Variants in NUP85 observed in about 807,000 individuals in gnomAD.
NUP85 encodes the protein nucleoporin 85, also known as nuclear pore complex protein Nup85.
Under a neutral mutation model 92.8 loss-of-function variants are expected in NUP85, and 23 were observed. The observed-to-expected ratio is 0.25, with a 90% CI of 0.18 to 0.35. The LOEUF (loss-of-function observed/expected upper bound fraction) is 0.35, where lower values mean the gene tolerates loss of function less well. NUP85 is among the 10% of genes least tolerant of loss of function. The pLI is 1.00. For synonymous variants in NUP85, 314 were observed against 306.9 expected, an observed-to-expected ratio of 1.02 and a Z score of -0.24; for missense variants, 759 against 822.8, an observed-to-expected ratio of 0.92 and a Z score of 0.95.
Position 75,231,539 on chromosome 17 carries a change from A to G in NUP85, c.1179-34A>G, listed in dbSNP as rs775907528. 6 of 1,613,370 alleles carry G rather than the reference A, an allele frequency of 3.7e-6. No individual in the cohort carries two copies. The highest frequency in any genetic ancestry group is 2.2e-5 in the East Asian group (1 of 44,896). On this transcript the variant is annotated intron_variant, in intron 12 of 18. Coordinates refer to ENST00000245544, the MANE Select transcript of NUP85 (RefSeq NM_024844.5). This position sits in a 1 kb window ranked among gnomAD's most constrained non-coding sequence, Gnocchi z 4.6. ...AAGGGGGCCCTGAACAGGGCAGGCC[A>G]GGAGTCTTGGTCTTTTGTTATGTTT...
chr17:75,234,944 G>T (rs1164390923), intron 17 of NUP85, 156 bp downstream of exon 17: 5 of 1,077,806 alleles, frequency 4.6e-6, no homozygotes, highest in Non-Finnish European at 7.1e-6. Context: ...GACTCACACA[G>T]GAAACAAACA....
At position 75,231,900 on chromosome 17, in the gene NUP85, T is replaced by G. The variant is rs1443373785; in HGVS notation, c.1317T>G (p.Ile439Met). The G allele has an allele frequency of 1.2e-6, 2 of 1,614,052 alleles. No homozygotes were observed. The highest frequency in any genetic ancestry group is 1.7e-6 in the Non-Finnish European group (2 of 1,180,028). The stretch of plus-strand genomic sequence containing the variant: ...GCCGAGTCTCCCTGGAGCTGCACAT[T>G]GAGCGGATACCTCTGAACACCGAGC... ...ELGRVSLELH[I>M]ERIPLNTEQK... Residue 439 changes from isoleucine (I) to methionine (M), a missense_variant, in exon 14 of 19, where the codon ATT (isoleucine) becomes ATG (methionine). By Grantham distance (10) the Ile-to-Met change is conservative. Transcript: ENST00000245544. This position sits in a 1 kb window ranked among gnomAD's most constrained non-coding sequence, Gnocchi z 4.6.
intron 3 of NUP85, among the ~76,000 whole-genome samples, chr17:75,210,533 A>C (rs946974820): frequency 5.3e-5 from 8 of 152,208 alleles, no homozygotes; most frequent in Admixed American, 3.3e-4. Flanking sequence ...AGCACACTGA[A>C]GTTTAAGAAC....
intron 14 of NUP85, 46 bp from the exon 15 acceptor site, chr17:75,232,805 G>C: frequency 6.4e-7 from 1 of 1,554,084 alleles, no homozygotes; most frequent in South Asian, 1.1e-5. Context: ...GGAATGGAGT[G>C]ATTTGTGGAG....
intron 16 of NUP85, among the ~76,000 whole-genome samples, chr17:75,233,362 T>C (rs1438220785): frequency 7.1e-6 from 1 of 140,402 alleles, no homozygotes. Flanking sequence ...TGTTTGTTTG[T>C]TTGTTTTTCT....
intron 7 of NUP85, among the ~76,000 whole-genome samples, chr17:75,222,269 T>C (rs2075617948): frequency 6.6e-6 from 1 of 152,066 alleles, no homozygotes; most frequent in Admixed American, 6.6e-5. Flanking sequence ...GGTCTCAAAC[T>C]CCTGGGCCCA....
At chr17:75,211,570 T>C (rs895622097) in intron 3 of NUP85, among the ~76,000 whole-genome samples, 1 of 151,346 alleles carries the variant, frequency 6.6e-6, no homozygotes, top group African/African-American at 2.4e-5. Context: ...GGGATTTTTG[T>C]ATTTTTAGTA....
rs1348027579 is a variant in NUP85 at position 75,225,381 on chromosome 17, T to C, written c.772T>C (p.Trp258Arg). ...TQTLTELELK[W>R]QHWHEECERY... ...GACACTGACAGAGCTGGAGCTGAAG[T>C]GGCAGCACTGGCACGAGGAATGTGA... The change falls in exon 9 of 19, where the codon TGG (tryptophan) becomes CGG (arginine). Residue 258 changes from tryptophan to arginine, a missense_variant. By Grantham distance (101) the Trp-to-Arg change is moderately radical. Coordinates refer to ENST00000245544, the MANE Select transcript of NUP85 (RefSeq NM_024844.5). The C allele has an allele frequency of 6.2e-7, 1 of 1,614,188 alleles. No individual in the cohort carries two copies. Among genetic ancestry groups the C allele is most frequent in the South Asian group, 1.1e-5 (1 of 91,086 alleles).
chr17:75,228,807 G>T (rs755332110), intron 11 of NUP85: 8 of 985,324 alleles, frequency 8.1e-6, no homozygotes, highest in Non-Finnish European at 9.6e-6. Flanking sequence ...GTCAATAATC[G>T]TGCCAGACCC....
At chr17:75,219,805 C>T (rs1339163411) in intron 7 of NUP85, among the ~76,000 whole-genome samples, 1 of 152,118 alleles carries the variant, frequency 6.6e-6, no homozygotes, top group African/African-American at 2.4e-5. Context: ...AGGCCTCCCT[C>T]ATGAGAGATT....
At chr17:75,213,621 T>C (rs1470442803) in intron 5 of NUP85, among the ~76,000 whole-genome samples, 1 of 152,086 alleles carries the variant, frequency 6.6e-6, no homozygotes, top group African/African-American at 2.4e-5. Context: ...GGAACATATA[T>C]GTCCTGACCA....
intron 2 of NUP85, among the ~76,000 whole-genome samples, chr17:75,208,901 G>A (rs538432894): frequency 2.6e-5 from 4 of 151,928 alleles, no homozygotes; most frequent in East Asian, 3.9e-4. Flanking sequence ...ATGCCACCAC[G>A]CCCAGCTAAT....
intron 1 of NUP85, among the ~76,000 whole-genome samples, chr17:75,207,772 T>C (rs2075129844): frequency 6.6e-6 from 1 of 151,844 alleles, no homozygotes; most frequent in African/African-American, 2.4e-5. Context: ...GCCACCGCGC[T>C]TGGCTAGGAG....
intron 1 of NUP85, chr17:75,208,315 C>A: frequency 4.3e-6 from 2 of 465,328 alleles, no homozygotes; most frequent in Non-Finnish European, 7.5e-6. Flanking sequence ...TGTGGTTGCA[C>A]ACACCTGTAG....
intron 16 of NUP85, 89 bp from the exon 17 acceptor site, chr17:75,234,545 TCTC>T (rs2076248135): frequency 2.2e-6 from 3 of 1,343,694 alleles, no homozygotes; most frequent in South Asian, 2.6e-5. Context: ...AGGTTTTTCT[TCTC>T]CTGTTTAGGG....
rs920356148 is a variant in NUP85, at chr17:75,205,700, G to A, written c.-62G>A. 6.9e-6 allele frequency: 11 copies of A among 1,600,864 alleles called. No individual in the cohort carries two copies. The South Asian group carries it at 9.9e-5, about 14-fold the overall frequency. ...TCTTGTCTCGCAGCCAGCTCTGAGC[G>A]GGAGGCCTGAGCGGGAAGCATTGGC... On this transcript the variant is annotated 5_prime_UTR_variant, in exon 1 of 19. Transcript: ENST00000245544.
In NUP85 at chr17:75,225,909, C is replaced by T. The variant is rs573280500; in HGVS notation, c.987+80C>T. The T allele has an allele frequency of 1.9e-6, 3 of 1,599,694 alleles. No homozygotes were observed. In the African/African-American group the frequency reaches 4.0e-5, roughly 21 times the overall value. ...ATGGGTCATTCTCTTTGAATTCCTC[C>T]CTGAGGAACAGGAAGACCCTTTCCT... On this transcript the variant is annotated intron_variant, in intron 10 of 18. Transcript: ENST00000245544.
At chr17:75,220,161 G>T (rs1244559590) in intron 7 of NUP85, among the ~76,000 whole-genome samples, 1 of 152,072 alleles carries the variant, frequency 6.6e-6, no homozygotes, top group African/African-American at 2.4e-5. Flanking sequence ...GTCTCTCTCT[G>T]TCACCTAGGC....
intron 7 of NUP85, 151 bp downstream of exon 7, chr17:75,218,457 C>A: frequency 1.1e-6 from 1 of 903,604 alleles, no homozygotes; most frequent in Non-Finnish European, 1.7e-6. Flanking sequence ...TTCTTCCCTG[C>A]TCTATGGGAG....
Sources: gnomAD v4.1 joint callset for allele counts (sites outside exome capture counted in the v4.1 genomes callset) on GRCh38, gnomAD v4.1.1 for gene constraint, Gnocchi (gnomAD v3.1) non-coding constraint, MANE v1.5 for transcripts, NCBI Gene and HGNC (gene_info 2026-07-23, HGNC 2026-07-21) for gene names.